Variants in HS3ST4 observed in about 807,000 individuals in gnomAD.
HS3ST4 encodes heparan sulfate glucosamine 3-O-sulfotransferase 4.
A neutral mutation model predicts 29.2 loss-of-function variants in HS3ST4; 17 were observed. The observed-to-expected ratio is 0.58, with a 90% CI of 0.40 to 0.87. HS3ST4 has a LOEUF of 0.87. Among genes scored for constraint, HS3ST4 ranks in the 40% least tolerant of loss-of-function variants. The pLI is 0.00. For missense variants in HS3ST4, 627 were observed against 634.5 expected (o/e 0.99, Z 0.13); for synonymous variants, 314 against 285.7 (o/e 1.10, Z -1.00).
chr16:25,735,240 A>G (rs1966599691), intron 1 of HS3ST4, among the ~76,000 whole-genome samples: 1 of 152,194 alleles, frequency 6.6e-6, no homozygotes, highest in South Asian at 2.1e-4. Context: ...TCCCCTTGCA[A>G]TAATTTATAT....
At chr16:25,850,983 C>T (rs548875930) in intron 1 of HS3ST4, among the ~76,000 whole-genome samples, 6 of 152,152 alleles carry the variant, frequency 3.9e-5, no homozygotes, top group Non-Finnish European at 8.8e-5. Flanking sequence ...CCAGTAATTT[C>T]CTATTTTACT....
At chr16:26,071,828 C>T (rs1045641415) in intron 1 of HS3ST4, among the ~76,000 whole-genome samples, 1 of 152,066 alleles carries the variant, frequency 6.6e-6, no homozygotes, top group Admixed American at 6.5e-5. Flanking sequence ...CTTGCCTCAC[C>T]CTAGGCCCTC....
intron 1 of HS3ST4, among the ~76,000 whole-genome samples, chr16:25,839,314 A>G (rs1042318504): frequency 6.6e-6 from 1 of 152,250 alleles, no homozygotes; most frequent in African/African-American, 2.4e-5. Flanking sequence ...ACAAAGGAAG[A>G]CTTGGCTGTC....
chr16:26,057,733 G>A (rs985471028), intron 1 of HS3ST4, among the ~76,000 whole-genome samples: 14 of 151,442 alleles, frequency 9.2e-5, no homozygotes, highest in Non-Finnish European at 1.5e-4. Flanking sequence ...ACAGAATGAG[G>A]CTCTGTCTCT....
chr16:25,811,773 T>A (rs1045629494), intron 1 of HS3ST4, among the ~76,000 whole-genome samples: 2 of 152,208 alleles, frequency 1.3e-5, no homozygotes, highest in Non-Finnish European at 2.9e-5. Context: ...ATTGTAAGAA[T>A]ACAATATATA....
At chr16:26,059,041 AT>A (rs1419722186) in intron 1 of HS3ST4, among the ~76,000 whole-genome samples, 1 of 152,138 alleles carries the variant, frequency 6.6e-6, no homozygotes, top group African/African-American at 2.4e-5. Context: ...AGTGGAAAGA[AT>A]GTGATTCAAA....
chr16:25,756,830 C>A (rs1351513766), intron 1 of HS3ST4, among the ~76,000 whole-genome samples: 1 of 152,150 alleles, frequency 6.6e-6, no homozygotes, highest in Non-Finnish European at 1.5e-5. Context: ...AGCAAAACTG[C>A]TTTGAAGCTA....
chr16:25,709,331 A>T (rs1173934220), intron 1 of HS3ST4, among the ~76,000 whole-genome samples: 1 of 152,162 alleles, frequency 6.6e-6, no homozygotes, highest in Non-Finnish European at 1.5e-5. Context: ...GCACACATCC[A>T]TCAAGCGGTT....
intron 1 of HS3ST4, among the ~76,000 whole-genome samples, chr16:25,834,571 T>C (rs1715216388): frequency 1.3e-5 from 2 of 152,242 alleles, no homozygotes; most frequent in Non-Finnish European, 2.9e-5. Context: ...TAGCCATTTA[T>C]AGTATAATTT....
chr16:25,955,721 A>T (rs1426104579), intron 1 of HS3ST4, among the ~76,000 whole-genome samples: 3 of 152,024 alleles, frequency 2.0e-5, no homozygotes, highest in Non-Finnish European at 4.4e-5. Flanking sequence ...TAGGCACTAG[A>T]TGGTAGAAAA....
At chr16:25,716,320 A>C (rs906459435) in intron 1 of HS3ST4, among the ~76,000 whole-genome samples, 4 of 152,190 alleles carry the variant, frequency 2.6e-5, no homozygotes, top group Non-Finnish European at 5.9e-5. Context: ...TAAAGACTAC[A>C]TTTCCCAGTC....
At chr16:25,961,410 T>C (rs1968791749) in intron 1 of HS3ST4, among the ~76,000 whole-genome samples, 1 of 152,234 alleles carries the variant, frequency 6.6e-6, no homozygotes, top group African/African-American at 2.4e-5. Flanking sequence ...TTCCAAGTCA[T>C]ATTCCTTCTG....
chr16:25,978,083 AGAG>A (rs1218026119), intron 1 of HS3ST4, among the ~76,000 whole-genome samples: 1 of 152,226 alleles, frequency 6.6e-6, no homozygotes, highest in African/African-American at 2.4e-5. Context: ...GGAACGTGGT[AGAG>A]GAGAACAATG....
chr16:25,899,160 C>T (rs1968098074), intron 1 of HS3ST4, among the ~76,000 whole-genome samples: 1 of 152,224 alleles, frequency 6.6e-6, no homozygotes, highest in Non-Finnish European at 1.5e-5. Context: ...GCAAATGGCA[C>T]ACGTCCATGC....
At chr16:26,080,011 C>T (rs1042518531) in intron 1 of HS3ST4, among the ~76,000 whole-genome samples, 4 of 152,096 alleles carry the variant, frequency 2.6e-5, no homozygotes, top group African/African-American at 9.7e-5. Flanking sequence ...AAGATGAGGA[C>T]GCTGAAGCAC....
chr16:25,884,023 G>T (rs567074817), intron 1 of HS3ST4, among the ~76,000 whole-genome samples: 1 of 152,188 alleles, frequency 6.6e-6, no homozygotes, highest in South Asian at 2.1e-4. Context: ...TGAGGCGGGA[G>T]AATTGCTTGA....
intron 1 of HS3ST4, among the ~76,000 whole-genome samples, chr16:25,724,669 C>CT (rs1026443941): frequency 1.3e-4 from 19 of 152,000 alleles, no homozygotes; most frequent in African/African-American, 3.1e-4. Context: ...GCCCCCTCAA[C>CT]TTTTTTTTAA....
chr16:25,762,712 AC>A (rs1176986836), intron 1 of HS3ST4, among the ~76,000 whole-genome samples: 1 of 151,388 alleles, frequency 6.6e-6, no homozygotes, highest in South Asian at 2.1e-4. Context: ...ACTAAAACAA[AC>A]AAACAAACAA....
chr16:25,724,563 T>C lies in HS3ST4; in HGVS notation c.734+31412T>C, dbSNP rs1966519039. On this transcript the variant is annotated intron_variant, in intron 1 of 1. Transcript: ENST00000331351. The stretch of plus-strand genomic sequence containing the variant: ...ATTTTTAGTAGAGACGGGGTTTCAC[T>C]GTGTTGGCCAGGCTAGTCTCGAACT... Among the ~76,000 whole-genome samples, 5 of 152,158 alleles carry C rather than the reference T, an allele frequency of 3.3e-5. No individual in the cohort carries two copies. The East Asian group carries it at 7.7e-4, about 24-fold the overall frequency.
Sources: allele counts gnomAD v4.1 joint callset (sites outside exome capture counted in the v4.1 genomes callset), GRCh38; gene constraint gnomAD v4.1.1; transcripts MANE v1.5; gene names NCBI Gene and HGNC (gene_info 2026-07-23, HGNC 2026-07-21).